Variants in CPA6 observed in about 807,000 individuals in gnomAD.
CPA6 encodes the protein carboxypeptidase A6, also known as carboxypeptidase B.
In CPA6, 58 loss-of-function variants were observed where a neutral mutation model predicts 63.3. That is an observed-to-expected ratio of 0.92 (90% confidence interval 0.74 to 1.14). CPA6 has a LOEUF of 1.14. Ranked by LOEUF, CPA6 falls within the 50% of genes most tolerant of loss-of-function variation. The pLI is 0.00. For missense variants in CPA6, 565 were observed against 526.6 expected (o/e 1.07, Z -0.71); for synonymous variants, 185 against 179.0 (o/e 1.03, Z -0.27).
intron 2 of CPA6, among the ~76,000 whole-genome samples, chr8:67,579,505 TA>T (rs1813712151): frequency 6.6e-6 from 1 of 152,234 alleles, no homozygotes; most frequent in African/African-American, 2.4e-5. Context: ...CAAATTCTCT[TA>T]AATATTATAA....
rs1279065508 is a variant in CPA6 at position 67,746,094 on chromosome 8, A to T, written c.36T>A (p.Ala12=). ...KCLGKRRGQA[A]AFLPLCWLFL... ...AGAGCCAGCAAAGAGGCAGGAAAGC[A>T]GCTGCCTGGCCCCTGCGCTTCCCGA... The change falls in exon 1 of 11, where the codon GCT becomes GCA. Residue 12 remains alanine, a synonymous_variant. Coordinates refer to ENST00000297770, the MANE Select transcript of CPA6 (RefSeq NM_020361.5). The T allele has an allele frequency of 6.2e-7, 1 of 1,613,958 alleles. No individual in the cohort carries two copies. The highest frequency in any genetic ancestry group is 2.2e-5 in the East Asian group (1 of 44,874).
intron 1 of CPA6, among the ~76,000 whole-genome samples, chr8:67,675,371 G>A (rs1816447438): frequency 6.6e-6 from 1 of 152,114 alleles, no homozygotes; most frequent in South Asian, 2.1e-4. Flanking sequence ...TCTGGAAGAT[G>A]TGCTGGTGGA....
chr8:67,442,845 G>A (rs540753131), intron 8 of CPA6, among the ~76,000 whole-genome samples: 2 of 152,132 alleles, frequency 1.3e-5, no homozygotes, highest in South Asian at 2.1e-4. Flanking sequence ...GCTGCGCCTC[G>A]CCAATGACTG....
intron 1 of CPA6, among the ~76,000 whole-genome samples, chr8:67,737,448 T>C (rs1346431349): frequency 2.0e-5 from 3 of 152,216 alleles, no homozygotes; most frequent in Admixed American, 2.0e-4. Context: ...AAATGTGTTT[T>C]TTTTCCCCCC....
intron 8 of CPA6, among the ~76,000 whole-genome samples, chr8:67,477,932 A>G (rs1475360465): frequency 6.6e-6 from 1 of 152,228 alleles, no homozygotes; most frequent in Non-Finnish European, 1.5e-5. Context: ...CCTGGAATAC[A>G]TACAGCTCCT....
chr8:67,613,536 C>T (rs571548715), intron 2 of CPA6, among the ~76,000 whole-genome samples: 2 of 152,168 alleles, frequency 1.3e-5, no homozygotes, highest in African/African-American at 4.8e-5. Context: ...TATGTACATG[C>T]CAGCTGCAGG....
chr8:67,448,664 G>GAAAAAAAAAAAAAAAAAAAAAAAA (rs1810487222), intron 8 of CPA6, among the ~76,000 whole-genome samples: 2 of 66,470 alleles, frequency 3.0e-5, no homozygotes, highest in Admixed American at 1.4e-4. Context: ...AGGAAAGAAC[G>GAAAAAAAAAAAAAAAAAAAAAAAA]AAAAAGAAAA....
intron 6 of CPA6, among the ~76,000 whole-genome samples, chr8:67,488,228 C>T (rs1289316781): frequency 2.0e-5 from 3 of 152,026 alleles, no homozygotes; most frequent in South Asian, 2.1e-4. Context: ...TTAATTTTTG[C>T]ATAAGGTGTA....
intron 2 of CPA6, among the ~76,000 whole-genome samples, chr8:67,613,166 C>A (rs1814854220): frequency 6.6e-6 from 1 of 152,204 alleles, no homozygotes; most frequent in South Asian, 2.1e-4. Flanking sequence ...CTACCTCATA[C>A]CCTTGCCTAT....
chr8:67,605,728 C>T (rs1024927074), intron 2 of CPA6, among the ~76,000 whole-genome samples: 4 of 152,058 alleles, frequency 2.6e-5, no homozygotes, highest in African/African-American at 9.7e-5. Flanking sequence ...AACAGATAGA[C>T]CAGAATGTAC....
At chr8:67,426,361 A>G (rs1227009532) in intron 10 of CPA6, among the ~76,000 whole-genome samples, 1 of 152,220 alleles carries the variant, frequency 6.6e-6, no homozygotes, top group East Asian at 1.9e-4. Flanking sequence ...AATGGTTAGT[A>G]AGATTAAAAA....
At chr8:67,709,763 G>A (rs1224328122) in intron 1 of CPA6, among the ~76,000 whole-genome samples, 1 of 152,174 alleles carries the variant, frequency 6.6e-6, no homozygotes. Flanking sequence ...CAGCCCAAAA[G>A]GGCAGGACAT....
At chr8:67,497,342 C>T (rs888638597) in intron 6 of CPA6, among the ~76,000 whole-genome samples, 2 of 152,108 alleles carry the variant, frequency 1.3e-5, no homozygotes, top group African/African-American at 2.4e-5. Context: ...TTCATATAAA[C>T]GGAGTGATAC....
intron 6 of CPA6, among the ~76,000 whole-genome samples, chr8:67,491,095 C>T (rs1022570165): frequency 2.0e-5 from 3 of 151,848 alleles, no homozygotes; most frequent in African/African-American, 4.8e-5. Context: ...CTCAACTGGA[C>T]GGGACAGGAA....
intron 1 of CPA6, among the ~76,000 whole-genome samples, chr8:67,633,487 A>T (rs542844753): frequency 2.0e-5 from 3 of 152,042 alleles, no homozygotes; most frequent in Non-Finnish European, 4.4e-5. Context: ...CGAGACCATC[A>T]TGGCTAACAT....
intron 1 of CPA6, among the ~76,000 whole-genome samples, chr8:67,657,065 T>C (rs1816002679): frequency 6.6e-6 from 1 of 152,190 alleles, no homozygotes; most frequent in African/African-American, 2.4e-5. Flanking sequence ...CTTAAACACA[T>C]GGTGTCTCCG....
chr8:67,715,811 T>G (rs1397545685), intron 1 of CPA6, among the ~76,000 whole-genome samples: 2 of 152,146 alleles, frequency 1.3e-5, no homozygotes, highest in South Asian at 4.1e-4. Flanking sequence ...ATCAGACATA[T>G]GGATCCTTCA....
intron 8 of CPA6, among the ~76,000 whole-genome samples, chr8:67,478,582 G>A (rs766999079): frequency 2.0e-5 from 3 of 152,152 alleles, no homozygotes; most frequent in Non-Finnish European, 4.4e-5. Flanking sequence ...ACACCCAGCT[G>A]GTGTCCACTG....
chr8:67,558,937 A>T (rs1813133160), intron 2 of CPA6, among the ~76,000 whole-genome samples: 2 of 152,202 alleles, frequency 1.3e-5, no homozygotes, highest in African/African-American at 4.8e-5. Context: ...GAGTCAGTGA[A>T]ATTGGTGAAA....
Sources: allele counts gnomAD v4.1 joint callset (sites outside exome capture counted in the v4.1 genomes callset), GRCh38; gene constraint gnomAD v4.1.1; transcripts MANE v1.5; gene names NCBI Gene and HGNC (gene_info 2026-07-23, HGNC 2026-07-21).